Variants in SIPA1L3 observed in about 807,000 individuals in gnomAD.
SIPA1L3 encodes signal induced proliferation associated 1 like 3, also known as signal-induced proliferation-associated 1-like protein 3.
Under a neutral mutation model 150.1 loss-of-function variants are expected in SIPA1L3, and 59 were observed. That is an observed-to-expected ratio of 0.39 (90% confidence interval 0.32 to 0.49). The LOEUF is 0.49. Among genes scored for constraint, SIPA1L3 ranks in the 20% least tolerant of loss-of-function variants. SIPA1L3 has a pLI of 0.86. For missense variants in SIPA1L3, 2,211 were observed against 2,489.5 expected, an observed-to-expected ratio of 0.89 and a Z score of 2.38; for synonymous variants, 1,070 against 1,077.6, an observed-to-expected ratio of 0.99 and a Z score of 0.14.
At chr19:38,130,340 G>A (rs1022789277) in intron 9 of SIPA1L3, among the ~76,000 whole-genome samples, 158 bp from the exon 10 acceptor site, 1 of 152,250 alleles carries the variant, frequency 6.6e-6, no homozygotes, top group Non-Finnish European at 1.5e-5. Flanking sequence ...GGGACCGGGT[G>A]CGTGTTCCCC....
Position 38,162,664 on chromosome 19 carries a change from AC to A in SIPA1L3, c.3780+294del, listed in dbSNP as rs561688313. The stretch of plus-strand genomic sequence containing the variant: ...CAGCCCCGAATCTCAGTGACTTCAT[AC>A]AGTGGAAGTGGATTTCCCTCTCCTG... On this transcript the variant is annotated intron_variant, in intron 14 of 21. Coordinates refer to ENST00000222345, the MANE Select transcript of SIPA1L3 (RefSeq NM_015073.3). Among the ~76,000 whole-genome samples, 163 of 152,316 alleles carry A rather than the reference AC, an allele frequency of 1.1e-3. 1 individual carries two copies. The highest frequency in any genetic ancestry group is 1.8e-3 in the Non-Finnish European group (123 of 68,024).
chr19:37,969,616 C>A lies in SIPA1L3; in HGVS notation c.-378-59473C>A, dbSNP rs1458585384. On this transcript the variant is annotated intron_variant, in intron 1 of 21. Transcript: ENST00000222345. ...AAATCCTTATCATGGCTTATAAGGT[C>A]CCCCGTGATGCAGCCGTGCTGGCCT... Among the ~76,000 whole-genome samples, 3 of 152,120 alleles carry A rather than the reference C, an allele frequency of 2.0e-5. No homozygotes were observed. The East Asian group carries it at 5.8e-4, about 29-fold the overall frequency.
intron 15 of SIPA1L3, among the ~76,000 whole-genome samples, chr19:38,165,609 C>A (rs1450396070): frequency 6.6e-6 from 1 of 152,210 alleles, no homozygotes; most frequent in Non-Finnish European, 1.5e-5. Flanking sequence ...ACAAGGAGGT[C>A]TGGAAAGTTG....
At chr19:38,092,852 ATTTTTTT>A (rs56232582) in intron 4 of SIPA1L3, among the ~76,000 whole-genome samples, 3 of 115,920 alleles carry the variant, frequency 2.6e-5, no homozygotes, top group South Asian at 2.8e-4. Context: ...AGGTGCTTAG[ATTTTTTT>A]TTTTTTTTTT....
intron 8 of SIPA1L3, among the ~76,000 whole-genome samples, chr19:38,110,855 G>C (rs1251938528): frequency 6.6e-6 from 1 of 152,076 alleles, no homozygotes; most frequent in African/African-American, 2.4e-5. Flanking sequence ...CCCAGTTGGA[G>C]TCGTGTGCCT....
intron 2 of SIPA1L3, among the ~76,000 whole-genome samples, chr19:38,075,910 G>A (rs748191791): frequency 3.5e-4 from 53 of 152,280 alleles, no homozygotes; most frequent in Non-Finnish European, 5.3e-4. Context: ...TTGGGAAGCC[G>A]AGGTAGGCGG....
chr19:37,914,533 C>G (rs1451552234), intron 1 of SIPA1L3, among the ~76,000 whole-genome samples: 2 of 151,988 alleles, frequency 1.3e-5, no homozygotes, highest in Non-Finnish European at 2.9e-5. Context: ...CCACACCTGG[C>G]TAATTTTTTT....
intron 1 of SIPA1L3, among the ~76,000 whole-genome samples, chr19:37,958,979 C>T (rs960249710): frequency 6.6e-6 from 1 of 152,212 alleles, no homozygotes. Context: ...CCACAAGATT[C>T]TATTTCACAC....
chr19:37,976,104 T>TA (rs374630193), intron 1 of SIPA1L3, among the ~76,000 whole-genome samples: 443 of 120,334 alleles, frequency 3.7e-3, no homozygotes, highest in Middle Eastern at 0.016. Flanking sequence ...GGCTCTGTCT[T>TA]AAAAAAAAAA....
chr19:38,112,159 CCACACA>C (rs1209829488), intron 8 of SIPA1L3, among the ~76,000 whole-genome samples: 2 of 149,064 alleles, frequency 1.3e-5, no homozygotes, highest in African/African-American at 4.9e-5. Flanking sequence ...GCACATGCAT[CCACACA>C]CATGCACATG....
In SIPA1L3 at chr19:37,993,220, C is replaced by T. The variant is rs28516776; in HGVS notation, c.-378-35869C>T. ...CTTCATCTGTGAGATGGGGATGACA[C>T]CCACTTCACATGGGGCTGTGGGGAT... On this transcript the variant is annotated intron_variant, in intron 1 of 21. Transcript: ENST00000222345. Among the ~76,000 whole-genome samples the T allele has an allele frequency of 9.7e-3, 1,476 of 152,286 alleles. 21 individuals carry two copies. Among genetic ancestry groups the T allele is most frequent in the African/African-American group, 0.033 (1,370 of 41,558 alleles).
intron 18 of SIPA1L3, among the ~76,000 whole-genome samples, chr19:38,197,275 T>C (rs1600203819): frequency 6.6e-6 from 1 of 152,134 alleles, no homozygotes; most frequent in East Asian, 1.9e-4. Context: ...TTCTGGTCTC[T>C]CTGTACCTGG....
intron 1 of SIPA1L3, among the ~76,000 whole-genome samples, chr19:37,941,452 G>GTTT (rs573938334): frequency 8.6e-6 from 1 of 115,698 alleles, no homozygotes; most frequent in Non-Finnish European, 1.9e-5. Flanking sequence ...TCTGTTGTGT[G>GTTT]TTTTTTTTTT....
chr19:38,033,187 C>T (rs1378220984), intron 2 of SIPA1L3, among the ~76,000 whole-genome samples: 6 of 152,246 alleles, frequency 3.9e-5, no homozygotes, highest in Non-Finnish European at 8.8e-5. Context: ...ATTGCCAGAT[C>T]TGATGTTCCC....
chr19:37,955,346 G>A (rs201991476), intron 1 of SIPA1L3, among the ~76,000 whole-genome samples: 3 of 148,826 alleles, frequency 2.0e-5, no homozygotes, highest in Non-Finnish European at 4.4e-5. Context: ...AGCCAAGATC[G>A]CACCATTGCA....
chr19:37,980,345 G>A (rs1307338243), intron 1 of SIPA1L3, among the ~76,000 whole-genome samples: 2 of 151,924 alleles, frequency 1.3e-5, no homozygotes, highest in Non-Finnish European at 2.9e-5. Flanking sequence ...TCCTTCCTTC[G>A]ACAAAAGGTA....
intron 1 of SIPA1L3, among the ~76,000 whole-genome samples, chr19:37,943,590 A>G (rs2046681898): frequency 6.6e-6 from 1 of 152,210 alleles, no homozygotes; most frequent in Non-Finnish European, 1.5e-5. Context: ...CACGAGGCCC[A>G]GATAAGGTGT....
At chr19:38,009,225 G>C (rs1418426151) in intron 1 of SIPA1L3, among the ~76,000 whole-genome samples, 2 of 152,046 alleles carry the variant, frequency 1.3e-5, no homozygotes, top group Non-Finnish European at 2.9e-5. Context: ...TCACCACGTT[G>C]GTCAGGCTGG....
chr19:38,072,450 G>C (rs1033880997), intron 2 of SIPA1L3, among the ~76,000 whole-genome samples: 1 of 152,352 alleles, frequency 6.6e-6, no homozygotes, highest in Non-Finnish European at 1.5e-5. Flanking sequence ...TGTCCAACTT[G>C]ATGCAGAGAC....
Sources: gnomAD v4.1 joint callset for allele counts (sites outside exome capture counted in the v4.1 genomes callset) on GRCh38, gnomAD v4.1.1 for gene constraint, MANE v1.5 for transcripts, NCBI Gene and HGNC (gene_info 2026-07-23, HGNC 2026-07-21) for gene names.